Variants in RMND5B observed in about 807,000 individuals in gnomAD.
RMND5B encodes required for meiotic nuclear division 5 homolog B.
Under a neutral mutation model 50.4 loss-of-function variants are expected in RMND5B, and 42 were observed. The observed-to-expected ratio is 0.83, with a 90% CI of 0.65 to 1.08. RMND5B has a LOEUF of 1.08. RMND5B is among the 50% of genes least tolerant of loss of function. RMND5B has a pLI of 0.00. For synonymous variants in RMND5B, 220 were observed against 210.0 expected (o/e 1.05, Z -0.41); for missense variants, 463 against 508.5 (o/e 0.91, Z 0.86).
At chr5:178,139,781 C>A (rs1349367340) in intron 3 of RMND5B, among the ~76,000 whole-genome samples, 1 of 147,898 alleles carries the variant, frequency 6.8e-6, no homozygotes, top group Non-Finnish European at 1.5e-5. Context: ...TGGTCTCGAA[C>A]TCCCGATCTC....
At chr5:178,142,368 G>T (rs951439542) in intron 3 of RMND5B, 4 of 548,786 alleles carry the variant, frequency 7.3e-6, no homozygotes, top group Non-Finnish European at 1.3e-5. Context: ...GGAAATGAAG[G>T]CTCCCAGAGG....
Position 178,137,250 on chromosome 5 carries a change from C to T in RMND5B, c.-12-858C>T, listed in dbSNP as rs1241278418. 1.3e-5 allele frequency among the ~76,000 whole-genome samples: 2 copies of T among 152,108 alleles called. No individual in the cohort carries two copies. Among genetic ancestry groups the T allele is most frequent in the Non-Finnish European group, 1.5e-5 (1 of 68,020 alleles). ...GTGAGGCAGGAGTGCTGGGCAAGTC[C>T]GTCAGGCCAGCATGGTTGGCAGTTA... On this transcript the variant is annotated intron_variant, in intron 2 of 10. Coordinates refer to ENST00000313386, the MANE Select transcript of RMND5B (RefSeq NM_022762.5). This position sits in a 1 kb window ranked among gnomAD's most constrained non-coding sequence, Gnocchi z 4.4.
Position 178,147,641 on chromosome 5 carries a change from G to T in RMND5B, c.963+6G>T, listed in dbSNP as rs1198396642. On this transcript the variant is annotated splice_donor_region_variant and intron_variant, in intron 9 of 10. Coordinates refer to ENST00000313386, the MANE Select transcript of RMND5B (RefSeq NM_022762.5). Reference sequence around the variant, plus strand: ...ATCACAAGGACGAGTTACCGGTGAGGCCTGGTCTGGGGAATCGTGGGCAAG... The same window carrying T: ...ATCACAAGGACGAGTTACCGGTGAGTCCTGGTCTGGGGAATCGTGGGCAAG... 2 of 1,614,106 alleles carry T rather than the reference G, an allele frequency of 1.2e-6. No homozygotes were observed. The highest frequency in any genetic ancestry group is 3.3e-5 in the Admixed American group (2 of 60,022).
rs1390269954 is a variant in RMND5B, at chr5:178,138,225, G to A, written c.106G>A (p.Val36Met). Reference protein sequence around the residue: ...ERSLEELLHYVGQLRAELASA... With the variant: ...ERSLEELLHYMGQLRAELASA... ...GAGCCTGGAGGAGCTGCTGCACTACGTGGGCCAGCTGCGGGCTGAGCTGGC... is the reference window on the plus strand; with the variant it reads ...GAGCCTGGAGGAGCTGCTGCACTACATGGGCCAGCTGCGGGCTGAGCTGGC... Residue 36 changes from valine (V) to methionine (M), a missense_variant, in exon 3 of 11, where the codon GTG becomes ATG. Transcript: ENST00000313386. The surrounding 1 kb of genome is among the most constrained non-coding windows in gnomAD (Gnocchi z 5.1). 12 of 1,613,886 alleles carry A rather than the reference G, an allele frequency of 7.4e-6. No individual in the cohort carries two copies. The highest frequency in any genetic ancestry group is 1.0e-5 in the Non-Finnish European group (12 of 1,179,904).
chr5:178,131,317 G>C lies in RMND5B; in HGVS notation c.-72G>C, dbSNP rs1434201005. ...CCCGAAGAGCCGCCTCAGCCGGGGG[G>C]AGTTGCTCGGACTCAAACGTCCAGT... is the stretch of plus-strand genomic sequence containing the variant. On this transcript the variant is annotated 5_prime_UTR_variant, in exon 2 of 11. Transcript: ENST00000313386. 2 of 152,248 alleles carry C rather than the reference G, an allele frequency of 1.3e-5. No individual in the cohort carries two copies. The highest frequency in any genetic ancestry group is 2.9e-5 in the Non-Finnish European group (2 of 68,090). 9.4% of individuals were successfully genotyped at this position (152,248 alleles called of 1,614,324 possible).
intron 5 of RMND5B, 68 bp from the exon 6 acceptor site, chr5:178,143,559 T>C (rs1755804272): frequency 4.9e-6 from 6 of 1,231,872 alleles, no homozygotes; most frequent in Middle Eastern, 1.9e-4. Flanking sequence ...GCTTTTATTA[T>C]GTGCATAGCA....
intron 3 of RMND5B, among the ~76,000 whole-genome samples, chr5:178,139,163 G>T (rs1758780480): frequency 6.6e-6 from 1 of 151,164 alleles, no homozygotes; most frequent in Non-Finnish European, 1.5e-5. Context: ...ATCAATCCAA[G>T]AAATGAAACA....
intron 2 of RMND5B, among the ~76,000 whole-genome samples, chr5:178,134,613 C>G (rs913778174): frequency 6.6e-6 from 1 of 152,070 alleles, no homozygotes; most frequent in South Asian, 2.1e-4. Flanking sequence ...AATTAACCTC[C>G]TGCATTTTTT....
rs1581134136 is a variant in RMND5B at position 178,148,433 on chromosome 5, G to A, written c.*401G>A. ...CACCCTTGCCCCTCGGCCCAAGAGT[G>A]TCCAGCGGTGGCCCACCTCTTCCTC... On this transcript the variant is annotated 3_prime_UTR_variant, in exon 11 of 11. Coordinates refer to ENST00000313386, the MANE Select transcript of RMND5B (RefSeq NM_022762.5). 1 of 277,378 alleles carries A rather than the reference G, an allele frequency of 3.6e-6. No individual in the cohort carries two copies. Among genetic ancestry groups the A allele is most frequent in the Non-Finnish European group, 7.0e-6 (1 of 142,606 alleles). The allele number at this position is 277,378 out of a possible 1,614,324, so 17.2% of individuals were successfully genotyped here.
chr5:178,141,193 C>A (rs563495718), intron 3 of RMND5B: 2 of 152,098 alleles, frequency 1.3e-5, no homozygotes, highest in Non-Finnish European at 2.9e-5. Context: ...AATTCACTTA[C>A]CATTAAACTC....
chr5:178,138,480 A>T lies in RMND5B; in HGVS notation c.139+222A>T. ...TGATTCCCATTTACATTTTGTTTTC[A>T]ACTTACTTTTCTATTTTTAACTTTT... On this transcript the variant is annotated intron_variant, in intron 3 of 10. Coordinates refer to ENST00000313386, the MANE Select transcript of RMND5B (RefSeq NM_022762.5). The surrounding 1 kb of genome is among the most constrained non-coding windows in gnomAD (Gnocchi z 5.1). 1 of 1,247,328 alleles carries T rather than the reference A, an allele frequency of 8.0e-7. No homozygotes were observed. The highest frequency in any genetic ancestry group is 1.0e-6 in the Non-Finnish European group (1 of 958,532). The allele number at this position is 1,247,328 out of a possible 1,614,324, so 77.3% of individuals were successfully genotyped here.
At position 178,137,801 on chromosome 5, in the gene RMND5B, A is replaced by G; in HGVS notation, c.-12-307A>G. 6.6e-6 allele frequency among the ~76,000 whole-genome samples: 1 copy of G among 152,202 alleles called. No homozygotes were observed. The stretch of plus-strand genomic sequence containing the variant: ...AGGCCTGCTCTCTATTCTGATTTAA[A>G]AGGGAGATGAACAAAAATTAAGGCA... On this transcript the variant is annotated intron_variant, in intron 2 of 10. Transcript: ENST00000313386. The surrounding 1 kb of genome is among the most constrained non-coding windows in gnomAD (Gnocchi z 4.4).
intron 3 of RMND5B, among the ~76,000 whole-genome samples, chr5:178,139,055 G>C (rs976340504): frequency 6.6e-6 from 1 of 152,124 alleles, no homozygotes; most frequent in African/African-American, 2.4e-5. Context: ...ACAAAAATTA[G>C]CTGGGCATGG....
chr5:178,139,078 G>A (rs1304313020), intron 3 of RMND5B, among the ~76,000 whole-genome samples: 1 of 152,166 alleles, frequency 6.6e-6, no homozygotes. Flanking sequence ...GTGGGCTGCA[G>A]TGAGCCGAGG....
intron 8 of RMND5B, 53 bp from the exon 9 acceptor site, chr5:178,147,480 T>G: frequency 6.7e-7 from 1 of 1,492,232 alleles, no homozygotes; most frequent in Non-Finnish European, 9.3e-7. Context: ...GCTGGCCCTT[T>G]TTGCCTGTCT....
At position 178,138,493 on chromosome 5, in the gene RMND5B, A is replaced by C; in HGVS notation, c.139+235A>C. 2.7e-6 allele frequency: 3 copies of C among 1,127,054 alleles called. No individual in the cohort carries two copies. The highest frequency in any genetic ancestry group is 1.6e-5 in the African/African-American group (1 of 61,714). 69.8% of individuals were successfully genotyped at this position (1,127,054 alleles called of 1,614,324 possible). On this transcript the variant is annotated intron_variant, in intron 3 of 10. Coordinates refer to ENST00000313386, the MANE Select transcript of RMND5B (RefSeq NM_022762.5). This position sits in a 1 kb window ranked among gnomAD's most constrained non-coding sequence, Gnocchi z 5.1. ...CATTTTGTTTTCAACTTACTTTTCT[A>C]TTTTTAACTTTTTTTCATTTTATAA...
chr5:178,135,904 C>G (rs1256096195), intron 2 of RMND5B: 2 of 152,176 alleles, frequency 1.3e-5, no homozygotes, highest in East Asian at 3.8e-4. Context: ...TAGTGTCCTG[C>G]CATCTTCCCC....
chr5:178,143,916 C>T (rs1755835471), intron 6 of RMND5B, 26 bp from the exon 7 acceptor site: 1 of 1,612,608 alleles, frequency 6.2e-7, no homozygotes, highest in South Asian at 1.1e-5. Context: ...ACCAGCTCTA[C>T]ACTAAACTGG....
At chr5:178,141,400 G>A (rs1758933842) in intron 3 of RMND5B, 1 of 152,316 alleles carries the variant, frequency 6.6e-6, no homozygotes, top group Non-Finnish European at 1.5e-5. Context: ...AGCTACTCAA[G>A]AGGCTGAGGC....
Sources: gnomAD v4.1 joint callset for allele counts (sites outside exome capture counted in the v4.1 genomes callset) on GRCh38, gnomAD v4.1.1 for gene constraint, Gnocchi (gnomAD v3.1) non-coding constraint, MANE v1.5 for transcripts, NCBI Gene and HGNC (gene_info 2026-07-23, HGNC 2026-07-21) for gene names.